The following CHCHD3 variants were observed in gnomAD, a reference collection of about 807,000 sequenced individuals.
CHCHD3 encodes the protein MICOS complex subunit MIC19.
Under a neutral mutation model 38.2 loss-of-function variants are expected in CHCHD3, and 20 were observed. The ratio of observed to expected loss-of-function variants is 0.52; its 90% CI spans 0.37 to 0.76. The LOEUF is 0.76. CHCHD3 is among the 30% of genes least tolerant of loss of function. The pLI, the probability that CHCHD3 is intolerant of heterozygous loss-of-function variation, is 0.00. For missense variants in CHCHD3, 245 were observed against 279.2 expected (o/e 0.88, Z 0.87); for synonymous variants, 82 against 100.0 (o/e 0.82, Z 1.07).
intron 5 of CHCHD3, among the ~76,000 whole-genome samples, chr7:132,863,696 G>C (rs1368888909): frequency 1.3e-5 from 2 of 152,212 alleles, no homozygotes; most frequent in Non-Finnish European, 2.9e-5. Context: ...GTTGTTCAGT[G>C]TAGTCACCTT....
chr7:133,000,927 T>C (rs1216365806), intron 3 of CHCHD3, among the ~76,000 whole-genome samples: 2 of 152,164 alleles, frequency 1.3e-5, no homozygotes, highest in African/African-American at 2.4e-5. Flanking sequence ...CTCAAAATCA[T>C]AGCTAGGCAC....
intron 6 of CHCHD3, among the ~76,000 whole-genome samples, chr7:132,818,708 A>G (rs1356697081): frequency 2.6e-5 from 4 of 152,248 alleles, no homozygotes; most frequent in African/African-American, 4.8e-5. Context: ...AAAAATAGCA[A>G]AAGTCAACAA....
At chr7:132,889,882 G>A (rs542968546) in intron 4 of CHCHD3, among the ~76,000 whole-genome samples, 151 of 152,290 alleles carry the variant, frequency 9.9e-4, no homozygotes, top group Non-Finnish European at 1.4e-3. Flanking sequence ...ATGAAACTCC[G>A]TAGAGCTCTC....
At chr7:132,980,524 T>G (rs1331047723) in intron 3 of CHCHD3, among the ~76,000 whole-genome samples, 1 of 152,210 alleles carries the variant, frequency 6.6e-6, no homozygotes, top group Non-Finnish European at 1.5e-5. Flanking sequence ...AGCAAAGAAG[T>G]AGGAGTTTAG....
chr7:132,895,464 G>A (rs146973259), intron 4 of CHCHD3, among the ~76,000 whole-genome samples: 3 of 152,324 alleles, frequency 2.0e-5, no homozygotes, highest in African/African-American at 2.4e-5. Flanking sequence ...AGGCAAAATC[G>A]CCTTCTGTGG....
chr7:132,898,684 G>A (rs1371085552), intron 4 of CHCHD3, among the ~76,000 whole-genome samples: 2 of 152,260 alleles, frequency 1.3e-5, no homozygotes, highest in African/African-American at 4.8e-5. Flanking sequence ...GGCTCGGGCC[G>A]CACAGGAGCC....
intron 5 of CHCHD3, among the ~76,000 whole-genome samples, chr7:132,840,182 A>C (rs1336789764): frequency 1.3e-5 from 2 of 152,216 alleles, no homozygotes; most frequent in Non-Finnish European, 2.9e-5. Flanking sequence ...TTCACTTATA[A>C]GATTTTCTTC....
At chr7:132,811,355 C>A (rs1807064063) in intron 6 of CHCHD3, among the ~76,000 whole-genome samples, 1 of 152,198 alleles carries the variant, frequency 6.6e-6, no homozygotes, top group Non-Finnish European at 1.5e-5. Flanking sequence ...TACGCTGTCC[C>A]AACATGGTGG....
intron 4 of CHCHD3, among the ~76,000 whole-genome samples, chr7:132,919,100 CT>C (rs5887600): frequency 0.019 from 1,328 of 69,350 alleles, 2 homozygotes; most frequent in African/African-American, 0.032. Flanking sequence ...TGGGTTTATT[CT>C]TTTTTTTTTT....
intron 7 of CHCHD3, among the ~76,000 whole-genome samples, chr7:132,795,104 T>A (rs1806572969): frequency 6.6e-6 from 1 of 152,220 alleles, no homozygotes; most frequent in Admixed American, 6.5e-5. Flanking sequence ...ACAAATCACA[T>A]GGTACAAACA....
chr7:132,966,493 T>C (rs575861721), intron 4 of CHCHD3, among the ~76,000 whole-genome samples: 1 of 152,306 alleles, frequency 6.6e-6, no homozygotes, highest in African/African-American at 2.4e-5. Flanking sequence ...GCTGTGATAT[T>C]CAACACTGTG....
intron 4 of CHCHD3, among the ~76,000 whole-genome samples, chr7:132,900,946 G>A (rs761166745): frequency 3.3e-5 from 5 of 152,122 alleles, no homozygotes; most frequent in Admixed American, 1.3e-4. Context: ...AGCCGAGATA[G>A]CACCACTGAA....
At chr7:132,796,061 G>A (rs1373940553) in intron 7 of CHCHD3, among the ~76,000 whole-genome samples, 6 of 151,902 alleles carry the variant, frequency 3.9e-5, no homozygotes, top group Non-Finnish European at 5.9e-5. Context: ...GCCTACCTAC[G>A]GCTTATGGGC....
At chr7:132,889,272 G>A (rs1342837242) in intron 4 of CHCHD3, among the ~76,000 whole-genome samples, 2 of 151,812 alleles carry the variant, frequency 1.3e-5, no homozygotes. Flanking sequence ...ATCTACCCTG[G>A]CTATTAAAAC....
At chr7:132,895,558 C>A (rs66770731) in intron 4 of CHCHD3, among the ~76,000 whole-genome samples, 1 of 152,182 alleles carries the variant, frequency 6.6e-6, no homozygotes, top group Non-Finnish European at 1.5e-5. Flanking sequence ...CTAATTCCCA[C>A]GTGTCATGCA....
chr7:133,041,340 T>C (rs776272430), intron 2 of CHCHD3, among the ~76,000 whole-genome samples: 1 of 152,246 alleles, frequency 6.6e-6, no homozygotes, highest in Admixed American at 6.5e-5. Flanking sequence ...AAGGAATTTA[T>C]AGATTGCACA....
chr7:132,912,979 T>C (rs1214030310), intron 4 of CHCHD3, among the ~76,000 whole-genome samples: 1 of 152,218 alleles, frequency 6.6e-6, no homozygotes, highest in South Asian at 2.1e-4. Flanking sequence ...ACAATGACAA[T>C]ACTTGGTTCT....
chr7:133,071,862 G>C (rs1419388998), intron 1 of CHCHD3, among the ~76,000 whole-genome samples: 1 of 152,116 alleles, frequency 6.6e-6, no homozygotes, highest in African/African-American at 2.4e-5. Flanking sequence ...GCCACATATT[G>C]AATGATTCTA....
In CHCHD3 at chr7:133,035,928, C is replaced by T; in HGVS notation, c.170-11301G>A. On this transcript the variant is annotated intron_variant, in intron 2 of 7. Transcript: ENST00000262570. The surrounding 1 kb of genome is among the most constrained non-coding windows in gnomAD (Gnocchi z 4.7). ...CAGGGTCCCAGCCGCCATGGTGATT[C>T]CGCAAAGAAAGGCTGGATCCAGTCT... 6.4e-7 allele frequency: 1 copy of T among 1,566,588 alleles called. No homozygotes were observed. The highest frequency in any genetic ancestry group is 1.1e-5 in the South Asian group (1 of 88,794).
Sources: allele counts gnomAD v4.1 joint callset (sites outside exome capture counted in the v4.1 genomes callset), GRCh38; gene constraint gnomAD v4.1.1; non-coding constraint Gnocchi (gnomAD v3.1); transcripts MANE v1.5; gene names NCBI Gene and HGNC (gene_info 2026-07-23, HGNC 2026-07-21).